TENM3: variants seen among roughly 807,000 people sequenced by gnomAD.
TENM3 encodes the protein teneurin transmembrane protein 3.
TENM3 carries 63 observed loss-of-function variants against 255.1 expected under a neutral mutation model. The observed-to-expected ratio is 0.25, with a 90% CI of 0.20 to 0.30. The LOEUF (loss-of-function observed/expected upper bound fraction) is 0.30. TENM3 is among the 10% of genes least tolerant of loss of function. The probability of loss-of-function intolerance (pLI) is 1.00; values close to 1 mark genes in which losing one functional copy is unlikely to be tolerated. For missense variants in TENM3, 2,929 were observed against 3,461.1 expected (o/e 0.85, Z 3.86); for synonymous variants, 1,306 against 1,322.3 (o/e 0.99, Z 0.27).
intron 1 of TENM3, among the ~76,000 whole-genome samples, chr4:182,163,134 G>A (rs974791104): frequency 1.3e-5 from 2 of 152,012 alleles, no homozygotes; most frequent in Non-Finnish European, 1.5e-5. Context: ...AGAGTTTCTG[G>A]TCCTTGCCCC....
chr4:181,711,435 G>C, the TENM3 span, among the ~76,000 whole-genome samples: 1 of 152,172 alleles, frequency 6.6e-6, no homozygotes, highest in Non-Finnish European at 1.5e-5. Context: ...AAGTGTTTTA[G>C]AATTGAGATC....
intron 3 of TENM3, among the ~76,000 whole-genome samples, chr4:182,501,246 A>G (rs1736285731): frequency 6.6e-6 from 1 of 152,130 alleles, no homozygotes; most frequent in Non-Finnish European, 1.5e-5. Flanking sequence ...CTTAATTAGC[A>G]CAGTCATCCT....
the TENM3 span, among the ~76,000 whole-genome samples, chr4:182,025,015 A>G: frequency 9.1e-6 from 1 of 110,416 alleles, no homozygotes; most frequent in Non-Finnish European, 1.7e-5. Flanking sequence ...AAATGACAGG[A>G]TTTCATTTTT....
intron 3 of TENM3, 65 bp downstream of exon 3, chr4:182,346,994 G>GC (rs1764865111): frequency 4.6e-6 from 5 of 1,075,802 alleles, no homozygotes; most frequent in East Asian, 6.4e-5. Flanking sequence ...GGTTGACTCC[G>GC]CGGGGGGGGA....
At chr4:181,484,440 T>C in the TENM3 span, among the ~76,000 whole-genome samples, 2 of 152,182 alleles carry the variant, frequency 1.3e-5, no homozygotes, top group East Asian at 1.9e-4. Flanking sequence ...ATCTGGTTTA[T>C]CTAAAGTGAA....
At chr4:182,290,217 C>T (rs115274211) in intron 1 of TENM3, among the ~76,000 whole-genome samples, 98 of 152,214 alleles carry the variant, frequency 6.4e-4, no homozygotes, top group Non-Finnish European at 1.2e-3. Flanking sequence ...TGAGTGCTGT[C>T]GACTGAATGA....
chr4:182,095,557 G>A, the TENM3 span, among the ~76,000 whole-genome samples: 2 of 152,100 alleles, frequency 1.3e-5, no homozygotes, highest in South Asian at 2.1e-4. Context: ...AGTGGGGAGG[G>A]GAAGAAAAGA....
intron 11 of TENM3, among the ~76,000 whole-genome samples, chr4:182,686,292 A>G (rs1030738662): frequency 2.0e-5 from 3 of 152,126 alleles, no homozygotes; most frequent in African/African-American, 4.8e-5. Context: ...CTTAGAATTC[A>G]TAGTAAAGGT....
intron 7 of TENM3, among the ~76,000 whole-genome samples, chr4:182,675,830 A>G (rs2152559030): frequency 6.6e-6 from 1 of 152,378 alleles, no homozygotes; most frequent in Admixed American, 6.5e-5. Context: ...TGCAAGTTGT[A>G]TATAACATTT....
chr4:182,443,839 G>A (rs553068050), intron 3 of TENM3, among the ~76,000 whole-genome samples: 42 of 152,138 alleles, frequency 2.8e-4, no homozygotes, highest in Non-Finnish European at 4.9e-4. Context: ...AGTGCTTTTG[G>A]CAAGCAGTGG....
chr4:182,614,608 T>A (rs903477849), intron 4 of TENM3, among the ~76,000 whole-genome samples: 7 of 152,188 alleles, frequency 4.6e-5, no homozygotes, highest in South Asian at 4.1e-4. Flanking sequence ...AGCTTTTTTG[T>A]CAAGTATAAA....
the TENM3 span, among the ~76,000 whole-genome samples, chr4:181,504,980 A>G: frequency 2.0e-5 from 3 of 152,218 alleles, no homozygotes; most frequent in African/African-American, 7.2e-5. Flanking sequence ...GCCCAAGAGA[A>G]CACACTGATT....
chr4:181,804,124 AAGGG>A, the TENM3 span, among the ~76,000 whole-genome samples: 23,379 of 60,362 alleles, frequency 0.39, 3,238 homozygotes, highest in Non-Finnish European at 0.49. Flanking sequence ...GAGGGAGGGA[AAGGG>A]AGGGAGGGAG....
At chr4:181,690,947 T>C in the TENM3 span, among the ~76,000 whole-genome samples, 3 of 152,196 alleles carry the variant, frequency 2.0e-5, no homozygotes, top group Non-Finnish European at 4.4e-5. Flanking sequence ...TTAAGCCTTT[T>C]TAAAGAAAAA....
At chr4:182,103,229 G>A in the TENM3 span, among the ~76,000 whole-genome samples, 4 of 152,182 alleles carry the variant, frequency 2.6e-5, no homozygotes, top group African/African-American at 9.7e-5. Context: ...TATGCCTAGT[G>A]AGTTCATTCT....
intron 3 of TENM3, among the ~76,000 whole-genome samples, chr4:182,563,230 C>T (rs547370462): frequency 2.0e-5 from 3 of 152,184 alleles, no homozygotes; most frequent in African/African-American, 4.8e-5. Flanking sequence ...GCCTGGCCAA[C>T]ATGTCGTGCA....
rs1765965397 is a variant in TENM3, at chr4:182,789,897, G to T, written c.5601+508G>T. Among the ~76,000 whole-genome samples, 1 of 152,134 alleles carries T rather than the reference G, an allele frequency of 6.6e-6. No homozygotes were observed. Among genetic ancestry groups the T allele is most frequent in the African/African-American group, 2.4e-5 (1 of 41,432 alleles). On this transcript the variant is annotated intron_variant, in intron 25 of 27. Coordinates refer to ENST00000511685, the MANE Select transcript of TENM3 (RefSeq NM_001080477.4). This position sits in a 1 kb window ranked among gnomAD's most constrained non-coding sequence, Gnocchi z 4.4. Reference sequence around the variant, plus strand: ...AAAGCCACACTTTCGGGTACTCTGTGGCATCTTTCCTTTCTTCTACATATA... The same window carrying T: ...AAAGCCACACTTTCGGGTACTCTGTTGCATCTTTCCTTTCTTCTACATATA...
At chr4:181,634,102 A>C in the TENM3 span, among the ~76,000 whole-genome samples, 6 of 152,218 alleles carry the variant, frequency 3.9e-5, no homozygotes, top group African/African-American at 7.2e-5. Flanking sequence ...TCATGCAGGT[A>C]ACAAATATTC....
chr4:182,450,195 A>G (rs1464827788), intron 3 of TENM3, among the ~76,000 whole-genome samples: 3 of 152,234 alleles, frequency 2.0e-5, no homozygotes, highest in East Asian at 3.8e-4. Context: ...TTTCATTTTT[A>G]AAATAAACCT....
Sources: gnomAD v4.1 joint callset for allele counts (sites outside exome capture counted in the v4.1 genomes callset) on GRCh38, gnomAD v4.1.1 for gene constraint, Gnocchi (gnomAD v3.1) non-coding constraint, MANE v1.5 for transcripts, NCBI Gene and HGNC (gene_info 2026-07-23, HGNC 2026-07-21) for gene names.